The following CSMD1 variants were observed in gnomAD, a reference collection of about 807,000 sequenced individuals.
CSMD1 encodes the protein CUB and Sushi multiple domains 1, also known as CUB and sushi domain-containing protein 1.
Under a neutral mutation model 417.5 loss-of-function variants are expected in CSMD1, and 213 were observed. That is an observed-to-expected ratio of 0.51 (90% CI 0.46 to 0.57). CSMD1 has a LOEUF of 0.57. Ranked by LOEUF, CSMD1 falls within the 20% of genes least tolerant of loss-of-function variation. The probability of loss-of-function intolerance (pLI) is 0.00; values close to 1 mark genes in which losing one functional copy is unlikely to be tolerated. For synonymous variants in CSMD1, 2,862 were observed against 1,736.8 expected (o/e 1.65, Z -16.11); for missense variants, 6,923 against 4,529.7 (o/e 1.53, Z -15.17).
rs541656771 is a variant in CSMD1 at position 4,181,131 on chromosome 8, A to C, written c.416-149032T>G. ...TGACCAGCCAATTCCAAGTGCTGCGAAACAGCCATCTATTTTGGTGTATTT... is the reference window on the plus strand; with the variant it reads ...TGACCAGCCAATTCCAAGTGCTGCGCAACAGCCATCTATTTTGGTGTATTT... On this transcript the variant is annotated intron_variant, in intron 3 of 69. Transcript: ENST00000635120. 5.3e-5 allele frequency among the ~76,000 whole-genome samples: 8 copies of C among 152,348 alleles called. No individual in the cohort carries two copies. In the South Asian group the frequency reaches 1.4e-3, roughly 28 times the overall value.
At chr8:4,861,619 A>C (rs1464733682) in intron 1 of CSMD1, among the ~76,000 whole-genome samples, 1 of 152,168 alleles carries the variant, frequency 6.6e-6, no homozygotes, top group Non-Finnish European at 1.5e-5. Context: ...GTGGATAATT[A>C]AAATTTGTCT....
At chr8:3,430,820 A>G (rs926514705) in intron 12 of CSMD1, among the ~76,000 whole-genome samples, 2 of 152,154 alleles carry the variant, frequency 1.3e-5, no homozygotes, top group African/African-American at 4.8e-5. Context: ...AACAACAACA[A>G]AAAAATTCAA....
At chr8:4,215,775 C>T (rs539083482) in intron 3 of CSMD1, among the ~76,000 whole-genome samples, 86 of 152,092 alleles carry the variant, frequency 5.7e-4, no homozygotes, top group Non-Finnish European at 1.0e-3. Flanking sequence ...ACATTGTTTT[C>T]TTGGTGGAAT....
At chr8:3,988,089 T>G (rs186613087) in intron 5 of CSMD1, among the ~76,000 whole-genome samples, 1 of 152,340 alleles carries the variant, frequency 6.6e-6, no homozygotes, top group Non-Finnish European at 1.5e-5. Flanking sequence ...TGTTGAAATA[T>G]TGTGATTTTT....
intron 3 of CSMD1, among the ~76,000 whole-genome samples, chr8:4,232,212 T>C (rs572786144): frequency 6.6e-6 from 1 of 152,236 alleles, no homozygotes; most frequent in Admixed American, 6.5e-5. Context: ...TTATTTATTT[T>C]TAAGACAGAG....
At chr8:3,385,617 T>C (rs1175846242) in intron 18 of CSMD1, among the ~76,000 whole-genome samples, 3 of 152,178 alleles carry the variant, frequency 2.0e-5, no homozygotes, top group East Asian at 1.9e-4. Context: ...AGTTTACTAT[T>C]AATTATGGTG....
intron 7 of CSMD1, among the ~76,000 whole-genome samples, chr8:3,669,288 T>C (rs1798862139): frequency 6.6e-6 from 1 of 152,162 alleles, no homozygotes; most frequent in African/African-American, 2.4e-5. Flanking sequence ...TCATCTGTCA[T>C]TTTGTCATTG....
intron 6 of CSMD1, among the ~76,000 whole-genome samples, chr8:3,728,051 G>A (rs1239985003): frequency 1.3e-5 from 2 of 152,120 alleles, no homozygotes. Flanking sequence ...TTGTACATTT[G>A]AAAGGGTTTG....
At chr8:4,139,011 A>AT (rs1803610529) in intron 3 of CSMD1, among the ~76,000 whole-genome samples, 2 of 152,128 alleles carry the variant, frequency 1.3e-5, no homozygotes, top group Non-Finnish European at 1.5e-5. Context: ...CCACATGCAG[A>AT]AAGGACATAT....
intron 1 of CSMD1, among the ~76,000 whole-genome samples, chr8:4,704,049 G>C (rs1807756782): frequency 1.3e-5 from 2 of 152,176 alleles, no homozygotes; most frequent in Non-Finnish European, 2.9e-5. Flanking sequence ...AGTAATGCTG[G>C]TTCCCTGGCT....
chr8:3,323,194 A>C (rs1806269039), intron 23 of CSMD1, among the ~76,000 whole-genome samples: 1 of 152,194 alleles, frequency 6.6e-6, no homozygotes, highest in African/African-American at 2.4e-5. Flanking sequence ...GGGCATCTAT[A>C]ATCTATGGTT....
chr8:3,706,792 C>T (rs13269170), intron 7 of CSMD1, among the ~76,000 whole-genome samples: 79,241 of 151,722 alleles, frequency 0.52, 20,966 homozygotes, highest in Admixed American at 0.59. Context: ...AATACTATAT[C>T]TCCCTCTACA....
At chr8:3,622,722 C>G (rs1158563) in intron 7 of CSMD1, among the ~76,000 whole-genome samples, 111,425 of 152,096 alleles carry the variant, frequency 0.73, 41,229 homozygotes, top group African/African-American at 0.82. Flanking sequence ...GTGTGATAAA[C>G]AGTCAGAAAA....
intron 3 of CSMD1, among the ~76,000 whole-genome samples, chr8:4,368,143 G>A (rs1179085807): frequency 6.6e-6 from 1 of 152,016 alleles, no homozygotes; most frequent in Admixed American, 6.6e-5. Flanking sequence ...GTTCATAGAT[G>A]ATCATTTTTT....
intron 1 of CSMD1, among the ~76,000 whole-genome samples, chr8:4,948,440 C>A (rs1808513150): frequency 7.6e-6 from 1 of 131,310 alleles, no homozygotes; most frequent in East Asian, 2.7e-4. Flanking sequence ...CTGATTTGTT[C>A]TTTCTATTTC....
At chr8:3,401,646 G>A (rs949998231) in intron 15 of CSMD1, among the ~76,000 whole-genome samples, 4 of 152,158 alleles carry the variant, frequency 2.6e-5, no homozygotes, top group African/African-American at 9.7e-5. Flanking sequence ...TCTCACAAAT[G>A]TGGCATGTCT....
rs1034592540 is a variant in CSMD1 at position 3,286,332 on chromosome 8, G to A, written c.3951-1986C>T. On this transcript the variant is annotated intron_variant, in intron 25 of 69. Coordinates refer to ENST00000635120, the MANE Select transcript of CSMD1 (RefSeq NM_033225.6). ...AGCAGCATGATTTATAATCCTTTGG[G>A]TATATACCCAGTAATGGGATGGCTG... 3.3e-5 allele frequency among the ~76,000 whole-genome samples: 5 copies of A among 152,068 alleles called. 1 individual carries two copies. Among genetic ancestry groups the A allele is most frequent in the Admixed American group, 3.3e-4 (5 of 15,256 alleles).
chr8:3,112,641 T>A (rs1327064406), intron 42 of CSMD1, among the ~76,000 whole-genome samples: 1 of 152,192 alleles, frequency 6.6e-6, no homozygotes, highest in Non-Finnish European at 1.5e-5. Context: ...TAAGGGTGCC[T>A]GGGATGGAGA....
intron 7 of CSMD1, among the ~76,000 whole-genome samples, chr8:3,673,902 G>A (rs566842197): frequency 6.6e-6 from 1 of 152,068 alleles, no homozygotes; most frequent in African/African-American, 2.4e-5. Context: ...CAGAATGCTT[G>A]AGCTCAGCAG....
Sources: allele counts gnomAD v4.1 joint callset (sites outside exome capture counted in the v4.1 genomes callset), GRCh38; gene constraint gnomAD v4.1.1; transcripts MANE v1.5; gene names NCBI Gene and HGNC (gene_info 2026-07-23, HGNC 2026-07-21).